Variants in PREP observed in about 807,000 individuals in gnomAD.
PREP encodes the protein prolyl endopeptidase.
In PREP, 29 loss-of-function variants were observed where a neutral mutation model predicts 87.6. That is an observed-to-expected ratio of 0.33 (90% CI 0.25 to 0.45). PREP has a LOEUF of 0.45. Ranked by LOEUF, PREP falls within the 20% of genes least tolerant of loss-of-function variation. The pLI, the probability that PREP is intolerant of heterozygous loss-of-function variation, is 1.00. For missense variants in PREP, 695 were observed against 886.5 expected (o/e 0.78, Z 2.74); for synonymous variants, 337 against 328.6 (o/e 1.03, Z -0.28).
rs1772608576 is a variant in PREP, at chr6:105,373,445, G to A, written c.519C>T (p.Phe173=). The change falls in exon 5 of 15, where the codon TTC becomes TTT. Residue 173 remains phenylalanine (F), a synonymous_variant. Coordinates refer to ENST00000652536, the MANE Select transcript of PREP (RefSeq NM_002726.5). ...ELPDVLERVK[F]SCMAWTHDGK... The stretch of plus-strand genomic sequence containing the variant: ...CATCATGGGTCCAGGCCATACAGCT[G>A]AACTTGACTCTTTCAAGCACATCTG... 2.5e-6 allele frequency: 4 copies of A among 1,614,064 alleles called. 1 individual carries two copies. The South Asian group carries it at 4.4e-5, about 18-fold the overall frequency.
intron 10 of PREP, chr6:105,302,629 G>T: frequency 2.2e-6 from 1 of 456,932 alleles, no homozygotes; most frequent in Non-Finnish European, 4.3e-6. Flanking sequence ...GGTTTTCTTT[G>T]TGTGAGTCTG....
chr6:105,386,914 G>A (rs1773010183), intron 2 of PREP, among the ~76,000 whole-genome samples: 1 of 152,052 alleles, frequency 6.6e-6, no homozygotes, highest in Non-Finnish European at 1.5e-5. Flanking sequence ...ACATGGTGGG[G>A]GAAAAAAAGA....
intron 2 of PREP, among the ~76,000 whole-genome samples, chr6:105,383,688 A>T (rs1327126931): frequency 6.6e-6 from 1 of 152,086 alleles, no homozygotes. Flanking sequence ...CGTGTGGGTA[A>T]ATCAACTCGT....
At chr6:105,328,687 G>A (rs1020250641) in intron 9 of PREP, 142 bp downstream of exon 9, 11 of 855,374 alleles carry the variant, frequency 1.3e-5, no homozygotes, top group Non-Finnish European at 1.8e-5. Context: ...CTGTTCTACC[G>A]TTTTATTCCC....
intron 4 of PREP, among the ~76,000 whole-genome samples, chr6:105,375,510 G>A (rs566546019): frequency 6.6e-6 from 1 of 152,308 alleles, no homozygotes; most frequent in Admixed American, 6.5e-5. Context: ...GCCTACGGAG[G>A]AGGTTATCTT....
chr6:105,302,256 T>C (rs1484134932), intron 10 of PREP, among the ~76,000 whole-genome samples: 1 of 152,236 alleles, frequency 6.6e-6, no homozygotes, highest in Non-Finnish European at 1.5e-5. Context: ...ATGGGATTTA[T>C]GCTGCACATG....
chr6:105,322,536 C>T (rs1388953722), intron 10 of PREP: 1 of 986,134 alleles, frequency 1.0e-6, no homozygotes, highest in Non-Finnish European at 1.2e-6. Flanking sequence ...CTTTTAAATG[C>T]TATTTACATA....
At chr6:105,316,622 A>G (rs1770876095) in intron 10 of PREP, among the ~76,000 whole-genome samples, 1 of 152,180 alleles carries the variant, frequency 6.6e-6, no homozygotes, top group Non-Finnish European at 1.5e-5. Flanking sequence ...GCAAAATAAA[A>G]CGAGTTATGC....
chr6:105,398,888 A>C (rs1011117602), intron 1 of PREP, among the ~76,000 whole-genome samples: 1 of 152,162 alleles, frequency 6.6e-6, no homozygotes, highest in Non-Finnish European at 1.5e-5. Flanking sequence ...CAGGCGGATC[A>C]CTTGAGGTCA....
intron 7 of PREP, among the ~76,000 whole-genome samples, chr6:105,346,801 T>C (rs1035369388): frequency 6.6e-6 from 1 of 152,228 alleles, no homozygotes; most frequent in African/African-American, 2.4e-5. Flanking sequence ...ATCTCTGATA[T>C]AATTAACTTT....
chr6:105,307,353 G>A (rs1770677008), intron 10 of PREP, among the ~76,000 whole-genome samples: 1 of 152,024 alleles, frequency 6.6e-6, no homozygotes, highest in African/African-American at 2.4e-5. Context: ...AGGAGGCCTT[G>A]TTTCCAAGAG....
chr6:105,320,950 A>T (rs1481576805), intron 10 of PREP, among the ~76,000 whole-genome samples: 1 of 152,222 alleles, frequency 6.6e-6, no homozygotes, highest in Admixed American at 6.5e-5. Flanking sequence ...TCAAAATGTG[A>T]GAACATCTGT....
intron 7 of PREP, among the ~76,000 whole-genome samples, chr6:105,346,943 A>G (rs911028483): frequency 3.3e-5 from 5 of 152,184 alleles, no homozygotes; most frequent in Non-Finnish European, 7.3e-5. Flanking sequence ...TCTACTAAAA[A>G]TACAAAATTA....
At chr6:105,360,305 G>A (rs1272664137) in intron 6 of PREP, among the ~76,000 whole-genome samples, 2 of 152,148 alleles carry the variant, frequency 1.3e-5, no homozygotes, top group Non-Finnish European at 2.9e-5. Context: ...TCCTTGGCAG[G>A]GAGGTCAGAA....
chr6:105,390,102 A>G lies in PREP; in HGVS notation c.120+7751T>C, dbSNP rs181103755. ...AATCTTTCCTGCCAAGGAAAGAAAC[A>G]GTACTGAGACAGGCGGAGAAGGTGG... On this transcript the variant is annotated intron_variant, in intron 2 of 14. Transcript: ENST00000652536. Among the ~76,000 whole-genome samples, 14 of 152,304 alleles carry G rather than the reference A, an allele frequency of 9.2e-5. No homozygotes were observed. The East Asian group carries it at 2.5e-3, about 27-fold the overall frequency.
rs535236031 is a variant in PREP at position 105,275,635 on chromosome 6, G to A, written c.*2509C>T. The stretch of plus-strand genomic sequence containing the variant: ...ATATCAAAAAGATATCTGCACTCCT[G>A]TGTCTACTGCAGCACTATCCACAAC... On this transcript the variant is annotated 3_prime_UTR_variant, in exon 15 of 15. Coordinates refer to ENST00000652536, the MANE Select transcript of PREP (RefSeq NM_002726.5). 5.3e-5 allele frequency among the ~76,000 whole-genome samples: 8 copies of A among 152,198 alleles called. No individual in the cohort carries two copies. The highest frequency in any genetic ancestry group is 1.0e-4 in the Non-Finnish European group (7 of 68,044).
chr6:105,383,790 T>A (rs1229581814), intron 2 of PREP, among the ~76,000 whole-genome samples: 1 of 152,170 alleles, frequency 6.6e-6, no homozygotes, highest in Non-Finnish European at 1.5e-5. Flanking sequence ...ATACTCGTCA[T>A]GACCAGGGAA....
chr6:105,310,595 T>C (rs887384253), intron 10 of PREP, among the ~76,000 whole-genome samples: 2 of 152,178 alleles, frequency 1.3e-5, no homozygotes, highest in Admixed American at 1.3e-4. Context: ...GAGGTCTCTG[T>C]TGGTTCAGCT....
intron 10 of PREP, among the ~76,000 whole-genome samples, chr6:105,303,942 T>C (rs1487733439): frequency 6.6e-6 from 1 of 152,230 alleles, no homozygotes; most frequent in Non-Finnish European, 1.5e-5. Context: ...TTATTTTACT[T>C]GACTTGTTTA....
Sources: allele counts gnomAD v4.1 joint callset (sites outside exome capture counted in the v4.1 genomes callset), GRCh38; gene constraint gnomAD v4.1.1; transcripts MANE v1.5; gene names NCBI Gene and HGNC (gene_info 2026-07-23, HGNC 2026-07-21).